The following VWCE variants were observed in gnomAD, a reference collection of about 807,000 sequenced individuals.
VWCE encodes the protein von Willebrand factor C and EGF domains, also known as von Willebrand factor C and EGF domain-containing protein.
A neutral mutation model predicts 102.9 loss-of-function variants in VWCE; 68 were observed. That is an observed-to-expected ratio of 0.66 (90% CI 0.54 to 0.81). The LOEUF (loss-of-function observed/expected upper bound fraction) is 0.81, where lower values mean the gene tolerates loss of function less well. Among genes scored for constraint, VWCE ranks in the 30% least tolerant of loss-of-function variants. VWCE has a pLI of 0.00. For missense variants in VWCE, 1,137 were observed against 1,263.6 expected (o/e 0.90, Z 1.52); for synonymous variants, 497 against 515.4 (o/e 0.96, Z 0.48).
chr11:61,295,001 C>G lies in VWCE; in HGVS notation c.37G>C (p.Ala13Pro). 6.8e-7 allele frequency: 1 copy of G among 1,472,648 alleles called. No homozygotes were observed. The highest frequency in any genetic ancestry group is 1.3e-5 in the South Asian group (1 of 77,402). 91.2% of individuals were successfully genotyped at this position (1,472,648 alleles called of 1,614,324 possible). ...GCTGGTGCCCCCGGCAGCAGGAGCG[C>G]GACACAGGCGGCCCGAAGGAGCAGT... ...AGLLLRAACV[A>P]LLLPGAPARG... The change falls in exon 1 of 20, where the codon GCG (alanine) becomes CCG (proline). Residue 13 changes from alanine to proline, a missense_variant. Physicochemically the swap from Ala to Pro is conservative, Grantham distance 27. Coordinates refer to ENST00000335613, the MANE Select transcript of VWCE (RefSeq NM_152718.2). The surrounding 1 kb of genome is among the most constrained non-coding windows in gnomAD (Gnocchi z 4.6).
At chr11:61,289,397 T>G (rs1192183765) in intron 4 of VWCE, among the ~76,000 whole-genome samples, 1 of 151,924 alleles carries the variant, frequency 6.6e-6, no homozygotes, top group South Asian at 2.1e-4. Context: ...ATTACAGGCA[T>G]GTACCACTAC....
Position 61,264,547 on chromosome 11 carries a change from A to T in VWCE, c.2170T>A (p.Cys724Ser). 6.2e-7 allele frequency: 1 copy of T among 1,612,482 alleles called. No homozygotes were observed. Among genetic ancestry groups the T allele is most frequent in the East Asian group, 2.2e-5 (1 of 44,862 alleles). Residue 724 changes from cysteine to serine, a missense_variant, in exon 19 of 20, where the codon TGC becomes AGC. Cys to Ser is a moderately radical substitution (Grantham distance 112). Transcript: ENST00000335613. Reference protein sequence around the residue: ...LGEVSCEKVPCQRACADPALL... With the variant: ...LGEVSCEKVPSQRACADPALL... ...GCAGGGTCGGCACAGGCCCGCTGGC[A>T]GGGAACCTTCTCACAGCTCACCTCT...
chr11:61,273,427 G>A, intron 12 of VWCE, 111 bp from the exon 13 acceptor site: 18 of 987,808 alleles, frequency 1.8e-5, no homozygotes, highest in Middle Eastern at 2.4e-4. Flanking sequence ...CTACTCAAGT[G>A]AAACTGACAA....
At chr11:61,276,711 G>A (rs372448945) in intron 10 of VWCE, 31 bp from the exon 11 acceptor site, 3 of 1,551,858 alleles carry the variant, frequency 1.9e-6, no homozygotes, top group African/African-American at 2.8e-5. Context: ...GGCACTGGGG[G>A]TGCGGGTGTG....
intron 15 of VWCE, among the ~76,000 whole-genome samples, chr11:61,267,845 T>C (rs2134750277): frequency 6.6e-6 from 1 of 152,192 alleles, no homozygotes; most frequent in African/African-American, 2.4e-5. Flanking sequence ...GTGGAAGAAC[T>C]GGGAAATACG....
At chr11:61,271,879 C>T (rs1184242648) in intron 13 of VWCE, 119 bp from the exon 14 acceptor site, 1 of 786,716 alleles carries the variant, frequency 1.3e-6, no homozygotes, top group African/African-American at 1.7e-5. Context: ...CACACGGACA[C>T]ACAAACTTAC....
At chr11:61,272,757 T>C (rs1009098433) in intron 13 of VWCE, among the ~76,000 whole-genome samples, 1 of 149,306 alleles carries the variant, frequency 6.7e-6, no homozygotes, top group Non-Finnish European at 1.5e-5. Context: ...AAACTTACTC[T>C]CACGCAGACA....
rs763491086 is a variant in VWCE, at chr11:61,258,886, C to G, written c.2657G>C (p.Arg886Thr). The change falls in exon 20 of 20, where the codon AGG becomes ACG. Residue 886 changes from arginine (R) to threonine (T), a missense_variant. Transcript: ENST00000335613. Reference sequence around the variant, plus strand: ...GAGGGTGCCAGGCAGAGGAGGCCACCTGGACACTATCTGGGCCCCAGAGGC... The same window carrying G: ...GAGGGTGCCAGGCAGAGGAGGCCACGTGGACACTATCTGGGCCCCAGAGGC... ...FSASGAQIVS[R>T]WPPLPGTLLT... 1.3e-6 allele frequency: 2 copies of G among 1,522,622 alleles called. No homozygotes were observed. The highest frequency in any genetic ancestry group is 2.8e-5 in the African/African-American group (2 of 71,860). 94.3% of individuals were successfully genotyped at this position (1,522,622 alleles called of 1,614,324 possible).
intron 4 of VWCE, 67 bp from the exon 5 acceptor site, chr11:61,286,497 G>T: frequency 6.7e-7 from 1 of 1,491,686 alleles, no homozygotes; most frequent in Non-Finnish European, 9.3e-7. Flanking sequence ...ATTTGTCAGT[G>T]TCTGGGAAGA....
intron 14 of VWCE, among the ~76,000 whole-genome samples, chr11:61,270,237 C>A (rs1854643480): frequency 6.6e-6 from 1 of 152,132 alleles, no homozygotes; most frequent in East Asian, 1.9e-4. Flanking sequence ...AGCTTTTTAA[C>A]AAACGGCTCA....
rs1855118638 is a variant in VWCE, at chr11:61,281,158, G to A, written c.865C>T (p.Pro289Ser). Reference sequence around the variant, plus strand: ...GACAGGGCAGGCCGGCCGGCCTCAGGAAGCAACAGAAGCATCTTGGACGGG... The same window carrying A: ...GACAGGGCAGGCCGGCCGGCCTCAGAAAGCAACAGAAGCATCTTGGACGGG... ...QHPSKMLLLL[P>S]EAGRPALSPG... The change falls in exon 8 of 20, where the codon CCT becomes TCT. Residue 289 changes from proline (P) to serine (S), a missense_variant. Pro to Ser is a moderately conservative substitution (Grantham distance 74). This residue lies in a region of VWCE where 575 missense variants were observed against 625.9 expected (regional missense o/e 0.92). Transcript: ENST00000335613. 6.2e-7 allele frequency: 1 copy of A among 1,613,736 alleles called. No individual in the cohort carries two copies. Among genetic ancestry groups the A allele is most frequent in the Non-Finnish European group, 8.5e-7 (1 of 1,180,018 alleles).
At chr11:61,293,803 C>G (rs1408364898) in intron 1 of VWCE, among the ~76,000 whole-genome samples, 1 of 152,190 alleles carries the variant, frequency 6.6e-6, no homozygotes, top group African/African-American at 2.4e-5. Flanking sequence ...GAAAGGGAAG[C>G]TCAGGGTGCA....
intron 13 of VWCE, among the ~76,000 whole-genome samples, chr11:61,272,251 CACAG>C (rs527829883): frequency 7.4e-4 from 113 of 152,056 alleles, no homozygotes; most frequent in African/African-American, 1.3e-3. Flanking sequence ...ATACAACTCA[CACAG>C]ACACACACTC....
At chr11:61,287,580 G>T (rs545740806) in intron 4 of VWCE, among the ~76,000 whole-genome samples, 23 of 152,226 alleles carry the variant, frequency 1.5e-4, no homozygotes, top group Admixed American at 1.3e-3. Context: ...GATGTTCACG[G>T]TCTGATAACA....
intron 16 of VWCE, 111 bp from the exon 17 acceptor site, chr11:61,265,323 T>G (rs1224294292): frequency 7.9e-6 from 8 of 1,012,500 alleles, no homozygotes; most frequent in Non-Finnish European, 1.1e-5. Flanking sequence ...ATCAACATTG[T>G]GGGAGGAGTC....
rs144955667 is a variant in VWCE at position 61,271,790 on chromosome 11, G to A, written c.1700-30C>T. On this transcript the variant is annotated intron_variant, in intron 13 of 19. Transcript: ENST00000335613. ...ATGAGGACAATGGCAGAGAAAAGAC[G>A]GCACAAGACCTAGACTACAACAGCA... 1.9e-4 allele frequency: 299 copies of A among 1,602,348 alleles called. 1 individual carries two copies. The highest frequency in any genetic ancestry group is 2.3e-4 in the Non-Finnish European group (273 of 1,172,168).
rs964184076 is a variant in VWCE at position 61,258,344 on chromosome 11, G to A, written c.*331C>T. ...CTCAGAGAGACGCATGACACCTGGC[G>A]GTACAGTCCCAGTGAGTGGAATCCC... On this transcript the variant is annotated 3_prime_UTR_variant, in exon 20 of 20. Coordinates refer to ENST00000335613, the MANE Select transcript of VWCE (RefSeq NM_152718.2). 2.4e-5 allele frequency: 5 copies of A among 208,502 alleles called. No individual in the cohort carries two copies. The highest frequency in any genetic ancestry group is 1.9e-4 in the South Asian group (1 of 5,282). The allele number at this position is 208,502 out of a possible 1,614,324, so 12.9% of individuals were successfully genotyped here.
chr11:61,293,241 C>CAAA (rs764741197), intron 1 of VWCE, among the ~76,000 whole-genome samples: 235 of 18,012 alleles, frequency 0.013, 42 homozygotes, highest in African/African-American at 0.04. Context: ...AACTCCATCT[C>CAAA]AAAAAAAAAA....
chr11:61,271,607 G>A (rs1854704473), intron 14 of VWCE, 68 bp downstream of exon 14: 7 of 1,481,768 alleles, frequency 4.7e-6, no homozygotes, highest in South Asian at 2.4e-5. Flanking sequence ...GGGCCAGGAC[G>A]CTTGTCTCCT....
Sources: gnomAD v4.1 joint callset for allele counts (sites outside exome capture counted in the v4.1 genomes callset) on GRCh38, gnomAD v4.1.1 for gene constraint, gnomAD v4.1.1 regional missense constraint, Gnocchi (gnomAD v3.1) non-coding constraint, MANE v1.5 for transcripts, NCBI Gene and HGNC (gene_info 2026-07-23, HGNC 2026-07-21) for gene names.